PLXDC2: variants seen among roughly 807,000 people sequenced by gnomAD.
PLXDC2 encodes plexin domain containing 2, also known as plexin domain-containing protein 2.
A neutral mutation model predicts 68.9 loss-of-function variants in PLXDC2; 40 were observed. The observed-to-expected ratio is 0.58, with a 90% CI of 0.45 to 0.76. The LOEUF is 0.76. PLXDC2 is among the 30% of genes least tolerant of loss of function. The pLI is 0.00. For missense variants in PLXDC2, 644 were observed against 661.9 expected, an observed-to-expected ratio of 0.97 and a Z score of 0.30; for synonymous variants, 243 against 234.2, an observed-to-expected ratio of 1.04 and a Z score of -0.34.
intron 1 of PLXDC2, among the ~76,000 whole-genome samples, chr10:19,920,644 G>A (rs1216052214): frequency 6.6e-6 from 1 of 152,170 alleles, no homozygotes; most frequent in Non-Finnish European, 1.5e-5. Context: ...TCTGCTCAGA[G>A]CTACCTCCAC....
intron 1 of PLXDC2, among the ~76,000 whole-genome samples, chr10:19,925,651 A>G (rs73603670): frequency 0.033 from 5,081 of 152,280 alleles, 297 homozygotes; most frequent in African/African-American, 0.12. Flanking sequence ...TTGTGAGAGT[A>G]GACTCAAACA....
chr10:20,028,585 A>G (rs1254519790), intron 2 of PLXDC2, among the ~76,000 whole-genome samples: 4 of 152,160 alleles, frequency 2.6e-5, no homozygotes, highest in Non-Finnish European at 5.9e-5. Flanking sequence ...AACTGACATA[A>G]GTTACTCTAA....
chr10:19,901,141 G>A (rs1838153644), intron 1 of PLXDC2, among the ~76,000 whole-genome samples: 1 of 152,020 alleles, frequency 6.6e-6, no homozygotes. Context: ...AAACATGTGT[G>A]TGCCAGTATC....
intron 2 of PLXDC2, among the ~76,000 whole-genome samples, chr10:20,027,505 G>T (rs1215641506): frequency 6.6e-6 from 1 of 152,072 alleles, no homozygotes; most frequent in Non-Finnish European, 1.5e-5. Flanking sequence ...AGAACTGTGA[G>T]AAAATGAATT....
chr10:20,249,412 A>G (rs549009842), intron 13 of PLXDC2, among the ~76,000 whole-genome samples: 1 of 152,330 alleles, frequency 6.6e-6, no homozygotes, highest in South Asian at 2.1e-4. Context: ...GAAGTGCTAA[A>G]ATCAGGATAT....
chr10:20,277,482 T>G (rs1412002003), intron 13 of PLXDC2, among the ~76,000 whole-genome samples: 1 of 152,032 alleles, frequency 6.6e-6, no homozygotes, highest in Admixed American at 6.6e-5. Context: ...GATCCTAGGG[T>G]TTTAGAGGAC....
intron 2 of PLXDC2, among the ~76,000 whole-genome samples, chr10:20,044,211 G>GTCTGTCTTTCTTTCTTTCTT (rs1486556031): frequency 1.5e-5 from 1 of 68,594 alleles, no homozygotes; most frequent in African/African-American, 5.1e-5. Context: ...CTCTCTCTCT[G>GTCTGTCTTTCTTTCTTTCTT]TCTTTCTTTC....
At chr10:20,010,980 A>G (rs1433713780) in intron 2 of PLXDC2, among the ~76,000 whole-genome samples, 1 of 152,166 alleles carries the variant, frequency 6.6e-6, no homozygotes, top group African/African-American at 2.4e-5. Context: ...TTGCAAACAT[A>G]TTTCTCTTCT....
At chr10:19,992,609 T>G (rs1422373058) in intron 1 of PLXDC2, among the ~76,000 whole-genome samples, 2 of 152,194 alleles carry the variant, frequency 1.3e-5, no homozygotes, top group Non-Finnish European at 2.9e-5. Context: ...TCTTTTAAAT[T>G]CCTACTAGAC....
chr10:19,965,724 G>C (rs796615156), intron 1 of PLXDC2, among the ~76,000 whole-genome samples: 9 of 147,800 alleles, frequency 6.1e-5, no homozygotes, highest in African/African-American at 1.7e-4. Flanking sequence ...TTTTTGGGGG[G>C]GGGGGTTACA....
At chr10:20,043,143 G>T (rs1169409793) in intron 2 of PLXDC2, among the ~76,000 whole-genome samples, 2 of 152,024 alleles carry the variant, frequency 1.3e-5, no homozygotes, top group Admixed American at 6.6e-5. Flanking sequence ...CTATTTTATG[G>T]TTTTTCTGAA....
At chr10:20,215,390 C>T (rs1055059435) in intron 10 of PLXDC2, among the ~76,000 whole-genome samples, 1 of 152,046 alleles carries the variant, frequency 6.6e-6, no homozygotes, top group Non-Finnish European at 1.5e-5. Flanking sequence ...CCAAGGCAGA[C>T]TGATCTCTCT....
At chr10:20,010,429 C>G (rs1004224152) in intron 2 of PLXDC2, among the ~76,000 whole-genome samples, 34 of 152,006 alleles carry the variant, frequency 2.2e-4, no homozygotes, top group African/African-American at 8.2e-4. Flanking sequence ...TGCTCACCCT[C>G]AAAAAAGATA....
Position 20,113,645 on chromosome 10 carries a change from C to T in PLXDC2, c.542-29650C>T, listed in dbSNP as rs1833585787. ...CTATTTAAAAAAAAATTTTTTTGAA[C>T]CACTTCAGCTGCATAAACAATAGAT... On this transcript the variant is annotated intron_variant, in intron 4 of 13. Transcript: ENST00000377252. 3.9e-5 allele frequency among the ~76,000 whole-genome samples: 6 copies of T among 152,220 alleles called. No homozygotes were observed. In the South Asian group the frequency reaches 1.2e-3, roughly 32 times the overall value.
chr10:20,096,637 G>A (rs1268619965), intron 4 of PLXDC2, among the ~76,000 whole-genome samples: 1 of 152,110 alleles, frequency 6.6e-6, no homozygotes, highest in East Asian at 1.9e-4. Context: ...GCCACATGCA[G>A]AAACGAATCA....
At chr10:19,940,867 G>C (rs1193718404) in intron 1 of PLXDC2, among the ~76,000 whole-genome samples, 1 of 152,160 alleles carries the variant, frequency 6.6e-6, no homozygotes. Context: ...GAGCTGTGGG[G>C]TGTGTTTAAC....
intron 1 of PLXDC2, among the ~76,000 whole-genome samples, chr10:19,892,137 A>C (rs1837973570): frequency 6.6e-6 from 1 of 152,232 alleles, no homozygotes; most frequent in South Asian, 2.1e-4. Flanking sequence ...GTAGCTACTT[A>C]ATAAATGTTT....
Position 20,279,751 on chromosome 10 carries a change from C to T in PLXDC2, c.1522C>T (p.His508Tyr), listed in dbSNP as rs112687842. Residue 508 changes from histidine to tyrosine, a missense_variant, in exon 14 of 14, where the codon CAT (histidine) becomes TAT (tyrosine). Around this residue, in one of 3 missense-constraint regions of PLXDC2, gnomAD observed 330 missense variants for 327.9 expected, o/e 1.01. Coordinates refer to ENST00000377252, the MANE Select transcript of PLXDC2 (RefSeq NM_032812.9). The stretch of plus-strand genomic sequence containing the variant: ...GATGAAGTTTAGAAGAGGCTCTGGA[C>T]ATCCTGCCTATGCTGAAGTTGAACC... Reference protein sequence around the residue: ...PAMKFRRGSGHPAYAEVEPVG... With the variant: ...PAMKFRRGSGYPAYAEVEPVG... 1 of 1,613,960 alleles carries T rather than the reference C, an allele frequency of 6.2e-7. No homozygotes were observed. The highest frequency in any genetic ancestry group is 8.5e-7 in the Non-Finnish European group (1 of 1,179,928).
intron 6 of PLXDC2, among the ~76,000 whole-genome samples, chr10:20,154,683 T>C (rs553069975): frequency 6.6e-6 from 1 of 152,160 alleles, no homozygotes; most frequent in East Asian, 1.9e-4. Flanking sequence ...TTCTTTGACT[T>C]GTCTTATCTC....
Sources: gnomAD v4.1 joint callset for allele counts (sites outside exome capture counted in the v4.1 genomes callset) on GRCh38, gnomAD v4.1.1 for gene constraint, gnomAD v4.1.1 regional missense constraint, MANE v1.5 for transcripts, NCBI Gene and HGNC (gene_info 2026-07-23, HGNC 2026-07-21) for gene names.